Variants in POFUT3 observed in about 807,000 individuals in gnomAD.
POFUT3 encodes GDP-fucose protein O-fucosyltransferase 3.
chr8:33,398,224 T>C, the POFUT3 span, among the ~76,000 whole-genome samples: 1 of 152,230 alleles, frequency 6.6e-6, no homozygotes, highest in Non-Finnish European at 1.5e-5. Flanking sequence ...GTTTTGTTTT[T>C]CAATTTTTAA....
At chr8:33,329,356 C>T in the POFUT3 span, among the ~76,000 whole-genome samples, 1 of 152,184 alleles carries the variant, frequency 6.6e-6, no homozygotes. Context: ...TTTTCAAATA[C>T]ATTTCCAGAA....
the POFUT3 span, among the ~76,000 whole-genome samples, chr8:33,312,459 G>A: frequency 2.0e-5 from 3 of 151,948 alleles, no homozygotes; most frequent in Non-Finnish European, 4.4e-5. Context: ...AAGAGAAGAT[G>A]AGTCTCACCA....
At chr8:33,455,539 T>G in the POFUT3 span, among the ~76,000 whole-genome samples, 6 of 152,060 alleles carry the variant, frequency 3.9e-5, no homozygotes, top group Non-Finnish European at 8.8e-5. Flanking sequence ...AAAAACAAGA[T>G]TTGGTATTAA....
chr8:33,348,260 C>T, the POFUT3 span, among the ~76,000 whole-genome samples: 4 of 150,404 alleles, frequency 2.7e-5, no homozygotes, highest in East Asian at 7.8e-4. Context: ...AGACAAGGAA[C>T]ATACTGTCTC....
chr8:33,420,241 A>G, the POFUT3 span, among the ~76,000 whole-genome samples: 4 of 152,354 alleles, frequency 2.6e-5, no homozygotes, highest in South Asian at 8.3e-4. Flanking sequence ...TAATTAATAA[A>G]AACTAACAAA....
the POFUT3 span, among the ~76,000 whole-genome samples, chr8:33,439,548 G>A: frequency 4.3e-3 from 647 of 152,044 alleles, no homozygotes; most frequent in African/African-American, 0.015. Context: ...AAAACCTCCC[G>A]ATATTTTCCC....
the POFUT3 span, among the ~76,000 whole-genome samples, chr8:33,423,401 T>C: frequency 6.6e-6 from 1 of 152,076 alleles, no homozygotes; most frequent in African/African-American, 2.4e-5. Context: ...CCTGAGTAGA[T>C]AGGACTACAG....
At chr8:33,464,622 C>T in the POFUT3 span, among the ~76,000 whole-genome samples, 9 of 152,038 alleles carry the variant, frequency 5.9e-5, no homozygotes, top group African/African-American at 1.9e-4. Context: ...CCCATCTCTA[C>T]AAAAAATAAA....
the POFUT3 span, among the ~76,000 whole-genome samples, chr8:33,451,558 GTA>G: frequency 6.6e-6 from 1 of 151,764 alleles, no homozygotes; most frequent in African/African-American, 2.4e-5. Flanking sequence ...AAATGTGTAT[GTA>G]TGTGTATATA....
the POFUT3 span, among the ~76,000 whole-genome samples, chr8:33,443,074 C>G: frequency 6.6e-6 from 1 of 152,142 alleles, no homozygotes; most frequent in Non-Finnish European, 1.5e-5. Context: ...GATCACACCA[C>G]TGCACTGCGG....
At chr8:33,380,146 T>C in the POFUT3 span, among the ~76,000 whole-genome samples, 1 of 67,776 alleles carries the variant, frequency 1.5e-5, no homozygotes, top group Admixed American at 2.1e-4. Context: ...ACTATATATA[T>C]ACACTATATA....
At chr8:33,465,437 G>T in the POFUT3 span, among the ~76,000 whole-genome samples, 28 of 151,332 alleles carry the variant, frequency 1.9e-4, no homozygotes, top group Middle Eastern at 3.4e-3. Context: ...TATAGAGAGA[G>T]AGAGAGAGAG....
chr8:33,436,374 T>TCA, the POFUT3 span: 1 of 1,377,612 alleles, frequency 7.3e-7, no homozygotes, highest in Non-Finnish European at 1.0e-6. Flanking sequence ...TTTCATGATG[T>TCA]CACATTCAAC....
At chr8:33,451,894 G>A in the POFUT3 span, 1 of 152,088 alleles carries the variant, frequency 6.6e-6, no homozygotes, top group South Asian at 2.1e-4. Flanking sequence ...AAAACCATCA[G>A]ATCTCATTAG....
At chr8:33,465,423 T>C in the POFUT3 span, among the ~76,000 whole-genome samples, 2 of 92,838 alleles carry the variant, frequency 2.2e-5, no homozygotes, top group East Asian at 2.7e-4. Context: ...TACATACATA[T>C]ATATATAGAG....
At chr8:33,423,910 G>A in the POFUT3 span, among the ~76,000 whole-genome samples, 3 of 150,828 alleles carry the variant, frequency 2.0e-5, no homozygotes, top group East Asian at 2.0e-4. Flanking sequence ...AGGCCAAAGC[G>A]GGTGGATCAT....
At chr8:33,340,226 C>A in the POFUT3 span, among the ~76,000 whole-genome samples, 1 of 151,908 alleles carries the variant, frequency 6.6e-6, no homozygotes, top group East Asian at 1.9e-4. Context: ...TAAAAACAAT[C>A]AAATAATGCA....
the POFUT3 span, among the ~76,000 whole-genome samples, chr8:33,325,770 G>T: frequency 6.6e-6 from 1 of 152,098 alleles, no homozygotes; most frequent in Non-Finnish European, 1.5e-5. Context: ...ACATGGTAGG[G>T]GCTCTCTCTG....
chr8:33,312,602 C>T, the POFUT3 span, among the ~76,000 whole-genome samples: 1 of 152,040 alleles, frequency 6.6e-6, no homozygotes, highest in African/African-American at 2.4e-5. Flanking sequence ...CAAAGACCAC[C>T]CAGATTAAGG....
Sources: gnomAD v4.1 joint callset for allele counts (sites outside exome capture counted in the v4.1 genomes callset) on GRCh38, gnomAD v4.1.1 for gene constraint, MANE v1.5 for transcripts, NCBI Gene and HGNC (gene_info 2026-07-23, HGNC 2026-07-21) for gene names.